Variants in MPP7 observed in about 807,000 individuals in gnomAD.
The protein encoded by MPP7 is MAGUK p55 scaffold protein 7, also known as MAGUK p55 subfamily member 7.
A neutral mutation model predicts 76.5 loss-of-function variants in MPP7; 60 were observed. That is an observed-to-expected ratio of 0.78 (90% confidence interval 0.64 to 0.97). The LOEUF (loss-of-function observed/expected upper bound fraction) is 0.97. Among genes scored for constraint, MPP7 ranks in the 50% least tolerant of loss-of-function variants. The probability of loss-of-function intolerance (pLI) is 0.00; values close to 1 mark genes in which losing one functional copy is unlikely to be tolerated. For synonymous variants in MPP7, 237 were observed against 244.5 expected (o/e 0.97, Z 0.29); for missense variants, 641 against 694.0 (o/e 0.92, Z 0.86).
intron 2 of MPP7, among the ~76,000 whole-genome samples, chr10:28,237,713 TGG>T (rs1839124515): frequency 6.6e-6 from 1 of 152,206 alleles, no homozygotes; most frequent in East Asian, 1.9e-4. Flanking sequence ...AAATTCAGGA[TGG>T]CCCATATAAA....
upstream of MPP7, among the ~76,000 whole-genome samples, chr10:28,307,233 G>A (rs531334720): frequency 3.2e-4 from 49 of 152,286 alleles, no homozygotes; most frequent in African/African-American, 1.1e-3. Flanking sequence ...GGCCAAGGCC[G>A]AAGGCTTGGA....
intron 11 of MPP7, among the ~76,000 whole-genome samples, chr10:28,117,553 G>A (rs908297331): frequency 2.0e-5 from 3 of 152,088 alleles, no homozygotes; most frequent in Admixed American, 6.5e-5. Flanking sequence ...ACCAAATATT[G>A]AAATCCAGAA....
At chr10:28,170,614 T>A (rs1047825091) in intron 3 of MPP7, among the ~76,000 whole-genome samples, 3 of 150,144 alleles carry the variant, frequency 2.0e-5, no homozygotes, top group Non-Finnish European at 4.4e-5. Flanking sequence ...TTATAATATA[T>A]AATTATACAT....
rs548142883 is a variant in MPP7, at chr10:28,211,097, A to G, written c.38-8826T>C. Among the ~76,000 whole-genome samples, 3 of 148,440 alleles carry G rather than the reference A, an allele frequency of 2.0e-5. No individual in the cohort carries two copies. The Admixed American group carries it at 2.0e-4, about 10-fold the overall frequency. On this transcript the variant is annotated intron_variant, in intron 2 of 16. Transcript: ENST00000683449. ...CAGGAGAAACATATGTCACTGTCTC[A>G]CTGTCTTTTCTTTTTTTTTTAGATG...
At chr10:28,124,733 T>C (rs1475122718) in intron 7 of MPP7, among the ~76,000 whole-genome samples, 2 of 152,076 alleles carry the variant, frequency 1.3e-5, no homozygotes. Context: ...TCCACCCGCC[T>C]TGGCCTCCAA....
chr10:28,150,717 G>T (rs1328189966), intron 3 of MPP7, among the ~76,000 whole-genome samples: 1 of 151,830 alleles, frequency 6.6e-6, no homozygotes, highest in Non-Finnish European at 1.5e-5. Context: ...TAGCATAAAT[G>T]AGATCATTTT....
intron 12 of MPP7, among the ~76,000 whole-genome samples, chr10:28,084,292 C>G (rs1048038812): frequency 1.3e-5 from 2 of 152,186 alleles, no homozygotes; most frequent in East Asian, 3.9e-4. Context: ...CAATCACTAA[C>G]CAAAGAAGGC....
chr10:28,253,175 G>A (rs755786404), intron 1 of MPP7, among the ~76,000 whole-genome samples: 14 of 152,014 alleles, frequency 9.2e-5, no homozygotes, highest in Non-Finnish European at 1.6e-4. Flanking sequence ...CAAAGTGCTG[G>A]GATTACAGGC....
At chr10:28,265,873 T>G (rs972496079) in intron 1 of MPP7, among the ~76,000 whole-genome samples, 1 of 152,180 alleles carries the variant, frequency 6.6e-6, no homozygotes, top group Non-Finnish European at 1.5e-5. Context: ...GCAAAAAAAC[T>G]ACATTATTGC....
chr10:28,297,053 A>G (rs745882168), intron 1 of MPP7, among the ~76,000 whole-genome samples: 37 of 152,336 alleles, frequency 2.4e-4, no homozygotes, highest in Non-Finnish European at 4.9e-4. Context: ...CAGAGGGTTC[A>G]ATAGGAGAGG....
chr10:28,228,152 G>A (rs1838759750), intron 2 of MPP7, among the ~76,000 whole-genome samples: 1 of 152,124 alleles, frequency 6.6e-6, no homozygotes, highest in Non-Finnish European at 1.5e-5. Context: ...TCAAGACCTT[G>A]CTTTTCCACA....
rs147727669 is a variant in MPP7 at position 28,226,339 on chromosome 10, C to T, written c.37+12229G>A. 9.4e-3 allele frequency among the ~76,000 whole-genome samples: 1,431 copies of T among 152,090 alleles called. 11 individuals carry two copies. Among genetic ancestry groups the T allele is most frequent in the African/African-American group, 0.033 (1,369 of 41,476 alleles). ...TCGGCTCACTGCAACCTCCACCTCC[C>T]GGGTTCAAGCTATTCTCATGCCTCA... On this transcript the variant is annotated intron_variant, in intron 2 of 16. Transcript: ENST00000683449.
intron 13 of MPP7, among the ~76,000 whole-genome samples, chr10:28,063,418 C>T (rs1291204562): frequency 1.3e-5 from 2 of 151,040 alleles, no homozygotes; most frequent in Non-Finnish European, 2.9e-5. Flanking sequence ...GCCAAGATCA[C>T]ACCACTGCAC....
At chr10:28,129,192 A>T (rs899400990) in intron 6 of MPP7, among the ~76,000 whole-genome samples, 6 of 152,200 alleles carry the variant, frequency 3.9e-5, no homozygotes, top group African/African-American at 1.4e-4. Context: ...CAAATCTCAA[A>T]AACACAGAGC....
At chr10:28,084,834 A>G (rs1425571685) in intron 12 of MPP7, among the ~76,000 whole-genome samples, 2 of 152,208 alleles carry the variant, frequency 1.3e-5, no homozygotes, top group Non-Finnish European at 2.9e-5. Flanking sequence ...GGAGCAGGGC[A>G]GTGAAATAGT....
intron 3 of MPP7, among the ~76,000 whole-genome samples, chr10:28,158,766 T>C (rs1331392156): frequency 6.6e-6 from 1 of 152,268 alleles, no homozygotes; most frequent in East Asian, 1.9e-4. Context: ...ACAGGAGGTT[T>C]TGGGTTACAC....
At chr10:28,233,833 T>C (rs2134121855) in intron 2 of MPP7, among the ~76,000 whole-genome samples, 1 of 151,510 alleles carries the variant, frequency 6.6e-6, no homozygotes, top group East Asian at 1.9e-4. Flanking sequence ...GCTCAGGAGT[T>C]TGAGACCAGC....
At chr10:28,171,969 T>G (rs1277934432) in intron 3 of MPP7, among the ~76,000 whole-genome samples, 1 of 152,182 alleles carries the variant, frequency 6.6e-6, no homozygotes, top group African/African-American at 2.4e-5. Context: ...CAGGTCCTCA[T>G]AGTCTTTCCC....
intron 4 of MPP7, among the ~76,000 whole-genome samples, chr10:28,148,438 G>A (rs2997201): frequency 0.46 from 69,183 of 151,990 alleles, 18,308 homozygotes; most frequent in Middle Eastern, 0.66. Context: ...TTAAAAACCC[G>A]TCTTAAAACC....
Sources: allele counts gnomAD v4.1 joint callset (sites outside exome capture counted in the v4.1 genomes callset), GRCh38; gene constraint gnomAD v4.1.1; transcripts MANE v1.5; gene names NCBI Gene and HGNC (gene_info 2026-07-23, HGNC 2026-07-21).